The following UCK2 variants were observed in gnomAD, a reference collection of about 807,000 sequenced individuals.
UCK2 encodes the protein uridine-cytidine kinase 2, also known as cytidine monophosphokinase 2.
UCK2 carries 6 observed loss-of-function variants against 30.8 expected under a neutral mutation model. The observed-to-expected ratio is 0.19, with a 90% confidence interval of 0.11 to 0.38. UCK2 has a LOEUF of 0.38. UCK2 is among the 10% of genes least tolerant of loss of function. The pLI is 1.00. For synonymous variants in UCK2, 125 were observed against 133.6 expected (o/e 0.94, Z 0.45); for missense variants, 210 against 339.8 (o/e 0.62, Z 3.00).
At position 165,908,808 on chromosome 1, in the gene UCK2, C is replaced by G. The variant is rs1458611292; in HGVS notation, c.*985C>G. 1 of 152,452 alleles carries G rather than the reference C, an allele frequency of 6.6e-6. No homozygotes were observed. The highest frequency in any genetic ancestry group is 1.5e-5 in the Non-Finnish European group (1 of 68,122). The allele number at this position is 152,452 out of a possible 1,614,324, so 9.4% of individuals were successfully genotyped here. ...CTGTATTGTGGAATATAGAGTGGACCATTGCAGGCTGGGTGTGGGTGAGGG... is the reference window on the plus strand; with the variant it reads ...CTGTATTGTGGAATATAGAGTGGACGATTGCAGGCTGGGTGTGGGTGAGGG... On this transcript the variant is annotated 3_prime_UTR_variant, in exon 7 of 7. Transcript: ENST00000367879.
chr1:165,882,732 T>C (rs547292669), intron 1 of UCK2, among the ~76,000 whole-genome samples: 1 of 152,188 alleles, frequency 6.6e-6, no homozygotes, highest in Admixed American at 6.5e-5. Context: ...CATCACCTCC[T>C]ATAGGCCTAC....
Position 165,902,592 on chromosome 1 carries a change from A to ATTTTTTTTTTTTTTTTTTTTTTTTTTTTT in UCK2, c.500-563_500-562insTTTTTTTTTTTTTTTTTTTTTTTTTTTTT, listed in dbSNP as rs386368582. The stretch of plus-strand genomic sequence containing the variant: ...TGGTTTTCTTATCTTTCACTGAGTG[A>ATTTTTTTTTTTTTTTTTTTTTTTTTTTTT]TTTTTTTTTTTTTTTTTTTTTTTTT... On this transcript the variant is annotated intron_variant, in intron 4 of 6. Transcript: ENST00000367879. The ATTTTTTTTTTTTTTTTTTTTTTTTTTTTT allele has an allele frequency of 1.5e-4, 7 of 45,758 alleles. 2 individuals carry two copies. The highest frequency in any genetic ancestry group is 3.8e-4 in the Admixed American group (1 of 2,664). The allele number at this position is 45,758 out of a possible 1,614,324, so 2.8% of individuals were successfully genotyped here.
intron 5 of UCK2, among the ~76,000 whole-genome samples, chr1:165,905,687 T>C (rs1198909880): frequency 2.0e-5 from 3 of 152,216 alleles, no homozygotes; most frequent in Non-Finnish European, 4.4e-5. Flanking sequence ...TCCCTGCTTA[T>C]CTTCTTTCAT....
At chr1:165,860,836 C>G (rs1571277203) in intron 1 of UCK2, among the ~76,000 whole-genome samples, 1 of 152,220 alleles carries the variant, frequency 6.6e-6, no homozygotes, top group East Asian at 1.9e-4. Context: ...CCGTGGTGGT[C>G]AACTCCAAGA....
chr1:165,847,927 C>T (rs1362344317), intron 1 of UCK2, among the ~76,000 whole-genome samples: 2 of 152,114 alleles, frequency 1.3e-5, no homozygotes, highest in African/African-American at 4.8e-5. Flanking sequence ...TCTCGAACTC[C>T]TAACCTCAAG....
At position 165,910,209 on chromosome 1, in the gene UCK2, G is replaced by A. The variant is rs1647808359; in HGVS notation, c.*2386G>A. ...TGGAAGGCTCTACCCCTCCGTGGCA[G>A]CCCAGCATTTGGCCAACTCTGTATC... On this transcript the variant is annotated 3_prime_UTR_variant, in exon 7 of 7. Transcript: ENST00000367879. 6.6e-6 allele frequency: 1 copy of A among 152,268 alleles called. No homozygotes were observed. The highest frequency in any genetic ancestry group is 2.1e-4 in the South Asian group (1 of 4,834). 9.4% of individuals were successfully genotyped at this position (152,268 alleles called of 1,614,324 possible).
chr1:165,867,558 A>G (rs936483054), intron 1 of UCK2, among the ~76,000 whole-genome samples: 9 of 152,270 alleles, frequency 5.9e-5, no homozygotes, highest in Non-Finnish European at 1.0e-4. Context: ...TAGCATTTCA[A>G]CAATGCCCAC....
chr1:165,881,038 T>TA (rs1178751838), intron 1 of UCK2, among the ~76,000 whole-genome samples: 1 of 151,946 alleles, frequency 6.6e-6, no homozygotes, highest in African/African-American at 2.4e-5. Context: ...CTGGGTGTGG[T>TA]GGTGCACACC....
chr1:165,895,485 TG>T, intron 3 of UCK2: 1 of 984,788 alleles, frequency 1.0e-6, no homozygotes, highest in South Asian at 4.7e-5. Flanking sequence ...CCCAACCATG[TG>T]GGTTGGGTGG....
intron 1 of UCK2, among the ~76,000 whole-genome samples, chr1:165,876,750 TTAGGTG>T (rs1488429051): frequency 6.6e-6 from 1 of 152,188 alleles, no homozygotes; most frequent in Non-Finnish European, 1.5e-5. Context: ...AGACTGAAAT[TTAGGTG>T]TGGGCAGTGT....
chr1:165,857,802 C>T (rs1179084235), intron 1 of UCK2, among the ~76,000 whole-genome samples: 1 of 152,150 alleles, frequency 6.6e-6, no homozygotes, highest in Non-Finnish European at 1.5e-5. Flanking sequence ...TGTCATTCTA[C>T]CCTACTCCTG....
At chr1:165,830,124 G>A (rs187242008) in intron 1 of UCK2, among the ~76,000 whole-genome samples, 2 of 151,728 alleles carry the variant, frequency 1.3e-5, no homozygotes, top group East Asian at 3.9e-4. Flanking sequence ...TCCCACTTCA[G>A]CCTCCAGAGT....
intron 1 of UCK2, among the ~76,000 whole-genome samples, chr1:165,847,982 A>T (rs1654493758): frequency 6.6e-6 from 1 of 151,728 alleles, no homozygotes; most frequent in African/African-American, 2.4e-5. Context: ...ATTTACAGCC[A>T]TGAGCCACTG....
At chr1:165,831,552 T>C (rs952315759) in intron 1 of UCK2, among the ~76,000 whole-genome samples, 1 of 152,230 alleles carries the variant, frequency 6.6e-6, no homozygotes, top group African/African-American at 2.4e-5. Flanking sequence ...TTCTGTAACC[T>C]CTTCATTGGA....
chr1:165,893,027 C>T (rs3790654), intron 3 of UCK2, among the ~76,000 whole-genome samples: 37,700 of 151,986 alleles, frequency 0.25, 5,096 homozygotes, highest in South Asian at 0.42. Flanking sequence ...GAGCTACAGA[C>T]GGGTCTATTG....
At chr1:165,838,923 C>T (rs1571264465) in intron 1 of UCK2, among the ~76,000 whole-genome samples, 1 of 152,152 alleles carries the variant, frequency 6.6e-6, no homozygotes, top group Non-Finnish European at 1.5e-5. Flanking sequence ...TGGCGGGTGC[C>T]TGTAATCTCA....
At chr1:165,844,920 T>C (rs959988019) in intron 1 of UCK2, among the ~76,000 whole-genome samples, 1 of 152,180 alleles carries the variant, frequency 6.6e-6, no homozygotes, top group Non-Finnish European at 1.5e-5. Flanking sequence ...GTGTTTCCTT[T>C]ATAATCTTTA....
rs1647801888 is a variant in UCK2, at chr1:165,910,084, C to G, written c.*2261C>G. The G allele has an allele frequency of 6.6e-6, 1 of 152,282 alleles. No individual in the cohort carries two copies. The highest frequency in any genetic ancestry group is 1.5e-5 in the Non-Finnish European group (1 of 68,092). 9.4% of individuals were successfully genotyped at this position (152,282 alleles called of 1,614,324 possible). On this transcript the variant is annotated 3_prime_UTR_variant, in exon 7 of 7. Coordinates refer to ENST00000367879, the MANE Select transcript of UCK2 (RefSeq NM_012474.5). ...GGAAACAGCTATAAGGGCTGCCCTG[C>G]CCCTTGTCAAATGATCACCAATTCT...
chr1:165,844,368 A>T (rs1654397573), intron 1 of UCK2, among the ~76,000 whole-genome samples: 1 of 152,186 alleles, frequency 6.6e-6, no homozygotes, highest in Non-Finnish European at 1.5e-5. Context: ...AATAAGAAAT[A>T]TGTGTTTGGT....
Sources: gnomAD v4.1 joint callset for allele counts (sites outside exome capture counted in the v4.1 genomes callset) on GRCh38, gnomAD v4.1.1 for gene constraint, MANE v1.5 for transcripts, NCBI Gene and HGNC (gene_info 2026-07-23, HGNC 2026-07-21) for gene names.